TENM3: variants seen among roughly 807,000 people sequenced by gnomAD.
TENM3 encodes the protein teneurin transmembrane protein 3, also known as teneurin-3.
Under a neutral mutation model 255.1 loss-of-function variants are expected in TENM3, and 63 were observed. The observed-to-expected ratio is 0.25, with a 90% CI of 0.20 to 0.30. The LOEUF (loss-of-function observed/expected upper bound fraction) is 0.30. TENM3 is among the 10% of genes least tolerant of loss of function. TENM3 has a pLI of 1.00. For synonymous variants in TENM3, 1,306 were observed against 1,322.3 expected (o/e 0.99, Z 0.27); for missense variants, 2,929 against 3,461.1 (o/e 0.85, Z 3.86).
chr4:182,125,443 G>A, the TENM3 span, among the ~76,000 whole-genome samples: 4 of 152,294 alleles, frequency 2.6e-5, no homozygotes, highest in East Asian at 3.9e-4. Context: ...CCAGTTTCAG[G>A]CATCTACTGG....
the TENM3 span, among the ~76,000 whole-genome samples, chr4:181,832,583 T>C: frequency 6.6e-6 from 1 of 152,216 alleles, no homozygotes; most frequent in Non-Finnish European, 1.5e-5. Flanking sequence ...TCTGCTTCTA[T>C]GGCTAGGAAG....
chr4:181,967,345 T>G, the TENM3 span, among the ~76,000 whole-genome samples: 2 of 152,142 alleles, frequency 1.3e-5, no homozygotes, highest in Non-Finnish European at 2.9e-5. Flanking sequence ...ATATGACATT[T>G]ATTTTTCAGG....
the TENM3 span, among the ~76,000 whole-genome samples, chr4:181,970,101 C>T: frequency 2.0e-5 from 3 of 152,146 alleles, no homozygotes; most frequent in South Asian, 6.2e-4. Context: ...CAGAAAACAA[C>T]TTCATCTCAA....
chr4:182,306,610 G>A (rs151132680), intron 1 of TENM3, among the ~76,000 whole-genome samples: 157 of 152,150 alleles, frequency 1.0e-3, no homozygotes, highest in African/African-American at 3.6e-3. Flanking sequence ...GATAAATATT[G>A]TGATACTCCT....
At chr4:182,413,082 G>A (rs923190295) in intron 3 of TENM3, among the ~76,000 whole-genome samples, 7 of 151,802 alleles carry the variant, frequency 4.6e-5, no homozygotes, top group African/African-American at 1.7e-4. Context: ...AAAATGAAAA[G>A]ATTGAAAAAA....
the TENM3 span, among the ~76,000 whole-genome samples, chr4:181,511,849 A>G: frequency 6.6e-6 from 1 of 152,082 alleles, no homozygotes; most frequent in Non-Finnish European, 1.5e-5. Context: ...ACATTTCCAA[A>G]AGAAAGGCTT....
chr4:182,050,856 A>G, the TENM3 span, among the ~76,000 whole-genome samples: 1 of 152,168 alleles, frequency 6.6e-6, no homozygotes, highest in Non-Finnish European at 1.5e-5. Flanking sequence ...TAAAAACATT[A>G]TATTGTTTAA....
At chr4:182,785,994 A>C (rs971249501) in intron 24 of TENM3, among the ~76,000 whole-genome samples, 19 of 152,234 alleles carry the variant, frequency 1.2e-4, no homozygotes, top group Non-Finnish European at 2.6e-4. Flanking sequence ...TGGAAACAGT[A>C]AGAATGGTTA....
the TENM3 span, among the ~76,000 whole-genome samples, chr4:181,505,747 G>T: frequency 6.6e-6 from 1 of 152,106 alleles, no homozygotes; most frequent in African/African-American, 2.4e-5. Context: ...CTTTGCAAAA[G>T]ATTATAGCAG....
At chr4:182,317,980 T>A (rs544560224) in intron 1 of TENM3, among the ~76,000 whole-genome samples, 2 of 152,166 alleles carry the variant, frequency 1.3e-5, no homozygotes, top group African/African-American at 4.8e-5. Context: ...AAGGCAAAAA[T>A]TTTTTGGTAC....
At chr4:182,667,395 T>C (rs1320767669) in intron 6 of TENM3, among the ~76,000 whole-genome samples, 1 of 152,110 alleles carries the variant, frequency 6.6e-6, no homozygotes, top group Non-Finnish European at 1.5e-5. Flanking sequence ...TTCACCATCT[T>C]GGCCGGGCTG....
intron 3 of TENM3, among the ~76,000 whole-genome samples, chr4:182,548,172 C>G (rs947996720): frequency 1.3e-5 from 2 of 152,084 alleles, no homozygotes; most frequent in Non-Finnish European, 2.9e-5. Flanking sequence ...GTGCAGTGAT[C>G]TATGATCATA....
chr4:182,401,090 T>C (rs1310748327), intron 3 of TENM3, among the ~76,000 whole-genome samples: 1 of 151,968 alleles, frequency 6.6e-6, no homozygotes, highest in Non-Finnish European at 1.5e-5. Flanking sequence ...TCAGAATACA[T>C]TAACAGGGTC....
chr4:181,847,975 T>C, the TENM3 span, among the ~76,000 whole-genome samples: 1 of 152,178 alleles, frequency 6.6e-6, no homozygotes, highest in Non-Finnish European at 1.5e-5. Context: ...GAAATATTAT[T>C]TGAAACTGAA....
rs1751305473 is a variant in TENM3 at position 182,630,859 on chromosome 4, C to CGG, written c.988+1970_988+1971insGG. On this transcript the variant is annotated intron_variant, in intron 5 of 27. Coordinates refer to ENST00000511685, the MANE Select transcript of TENM3 (RefSeq NM_001080477.4). ...CAGGTTGACTGGTCAGGCATCCTTT[C>CGG]TGATTGATAAGTGCCTGTGTGCTTC... Among the ~76,000 whole-genome samples the CGG allele has an allele frequency of 2.0e-5, 3 of 151,856 alleles. No individual in the cohort carries two copies. The South Asian group carries it at 6.2e-4, about 32-fold the overall frequency.
At position 182,800,448 on chromosome 4, in the gene TENM3, C is replaced by A; in HGVS notation, c.*97C>A. 7.2e-7 allele frequency: 1 copy of A among 1,389,850 alleles called. No individual in the cohort carries two copies. Among genetic ancestry groups the A allele is most frequent in the Non-Finnish European group, 9.5e-7 (1 of 1,056,238 alleles). The allele number at this position is 1,389,850 out of a possible 1,614,324, so 86.1% of individuals were successfully genotyped here. On this transcript the variant is annotated 3_prime_UTR_variant, in exon 28 of 28. Transcript: ENST00000511685. ...CTCCAACGCCCAAGAGCCTTCCTCC[C>A]GGGGGAATGAGACTGCTGTTACGAC...
At chr4:182,540,708 A>G (rs1740788010) in intron 3 of TENM3, among the ~76,000 whole-genome samples, 1 of 152,208 alleles carries the variant, frequency 6.6e-6, no homozygotes, top group Admixed American at 6.5e-5. Flanking sequence ...ACTTCATGTC[A>G]AGAACTGGGC....
the TENM3 span, among the ~76,000 whole-genome samples, chr4:181,721,409 A>C: frequency 6.7e-6 from 1 of 148,194 alleles, no homozygotes; most frequent in African/African-American, 2.5e-5. Flanking sequence ...GTCCTGGCTA[A>C]CACGGTGAAA....
At chr4:182,620,283 C>T (rs1749983962) in intron 4 of TENM3, among the ~76,000 whole-genome samples, 1 of 152,124 alleles carries the variant, frequency 6.6e-6, no homozygotes, top group African/African-American at 2.4e-5. Context: ...TTTGTAGAGT[C>T]CTAAACATAA....
Sources: gnomAD v4.1 joint callset for allele counts (sites outside exome capture counted in the v4.1 genomes callset) on GRCh38, gnomAD v4.1.1 for gene constraint, MANE v1.5 for transcripts, NCBI Gene and HGNC (gene_info 2026-07-23, HGNC 2026-07-21) for gene names.